CPSF6: variants seen among roughly 807,000 people sequenced by gnomAD.
The protein encoded by CPSF6 is cleavage and polyadenylation specific factor 6.
In CPSF6, 10 loss-of-function variants were observed where a neutral mutation model predicts 56.7. The observed-to-expected ratio is 0.18, with a 90% CI of 0.11 to 0.30. The LOEUF (loss-of-function observed/expected upper bound fraction) is 0.30, where lower values mean the gene tolerates loss of function less well. CPSF6 is among the 10% of genes least tolerant of loss of function. The pLI, the probability that CPSF6 is intolerant of heterozygous loss-of-function variation, is 1.00. For synonymous variants in CPSF6, 248 were observed against 244.8 expected (o/e 1.01, Z -0.12); for missense variants, 419 against 722.9 (o/e 0.58, Z 4.82).
At chr12:69,259,578 A>G (rs1381674629) in intron 7 of CPSF6, 35 bp downstream of exon 7, 3 of 1,562,762 alleles carry the variant, frequency 1.9e-6, no homozygotes, top group Non-Finnish European at 1.7e-6. Context: ...TTTCTTATTT[A>G]TGTTATTAGG....
intron 1 of CPSF6, among the ~76,000 whole-genome samples, chr12:69,245,096 TA>T (rs11317829): frequency 0.18 from 24,397 of 137,920 alleles, 2,170 homozygotes; most frequent in African/African-American, 0.22. Flanking sequence ...CGTCTCTATT[TA>T]AAAAAAAAAA....
chr12:69,263,078 T>C (rs1296912713), intron 9 of CPSF6, among the ~76,000 whole-genome samples: 3 of 111,788 alleles, frequency 2.7e-5, no homozygotes, highest in African/African-American at 1.2e-4. Flanking sequence ...TCAAAGAGAA[T>C]TTTCCTTTAA....
chr12:69,249,168 G>GGGGGGGGGGGGGGC lies in CPSF6; in HGVS notation c.61-1960_61-1959insGGGGGGGGGGGGCG, dbSNP rs1565644117. Among the ~76,000 whole-genome samples the GGGGGGGGGGGGGGC allele has an allele frequency of 8.8e-5, 3 of 33,910 alleles. 1 individual carries two copies. The highest frequency in any genetic ancestry group is 2.8e-4 in the Admixed American group (1 of 3,598). 22.2% of individuals were successfully genotyped at this position (33,910 alleles called of 152,430 possible). ...CCAGCTACTCGGGGGGGGGGGGGGG[G>GGGGGGGGGGGGGGC]GCTGAGGCAGGAGAATGGCGTGAAC... is the stretch of plus-strand genomic sequence containing the variant. On this transcript the variant is annotated intron_variant, in intron 1 of 9. Coordinates refer to ENST00000435070, the MANE Select transcript of CPSF6 (RefSeq NM_007007.3).
At chr12:69,255,825 C>G (rs1039769594) in intron 3 of CPSF6, among the ~76,000 whole-genome samples, 2 of 152,238 alleles carry the variant, frequency 1.3e-5, no homozygotes, top group Non-Finnish European at 2.9e-5. Context: ...GCGTGAGCCA[C>G]TGCACCCGGC....
chr12:69,264,790 A>G (rs562564716), intron 9 of CPSF6, among the ~76,000 whole-genome samples: 10 of 152,122 alleles, frequency 6.6e-5, no homozygotes, highest in Non-Finnish European at 5.9e-5. Flanking sequence ...TATTCAAGTA[A>G]ATCTTTAAAA....
At chr12:69,263,822 A>G (rs1464959135) in intron 9 of CPSF6, among the ~76,000 whole-genome samples, 2 of 152,054 alleles carry the variant, frequency 1.3e-5, no homozygotes, top group African/African-American at 4.8e-5. Flanking sequence ...ACTATTTACA[A>G]TTTTAAGGGC....
intron 9 of CPSF6, among the ~76,000 whole-genome samples, chr12:69,267,276 T>TTA (rs1445157356): frequency 6.6e-6 from 1 of 151,924 alleles, no homozygotes; most frequent in Non-Finnish European, 1.5e-5. Flanking sequence ...ACAGAAACAG[T>TTA]TATAATTTGA....
At chr12:69,247,207 A>G (rs576984298) in intron 1 of CPSF6, among the ~76,000 whole-genome samples, 21 of 152,302 alleles carry the variant, frequency 1.4e-4, no homozygotes, top group African/African-American at 3.1e-4. Flanking sequence ...TAAGGGAACT[A>G]ATAGGATTTT....
chr12:69,252,103 A>G (rs1317558584), intron 2 of CPSF6: 1 of 455,164 alleles, frequency 2.2e-6, no homozygotes, highest in Admixed American at 2.3e-5. Flanking sequence ...CAGAATTTGC[A>G]AAACTCTGTC....
chr12:69,263,866 C>T (rs961577845), intron 9 of CPSF6, among the ~76,000 whole-genome samples: 4 of 151,934 alleles, frequency 2.6e-5, no homozygotes, highest in Non-Finnish European at 4.4e-5. Context: ...TGATACTTTG[C>T]ATTTTGAATA....
chr12:69,256,694 T>C lies in CPSF6; in HGVS notation c.375-3T>C. 6.2e-7 allele frequency: 1 copy of C among 1,608,170 alleles called. No homozygotes were observed. Among genetic ancestry groups the C allele is most frequent in the East Asian group, 2.2e-5 (1 of 44,834 alleles). ...GTATCCTCACCCCTTAAACACTTTT[T>C]AGGTTTGCCCTTGTTGGTGTTGGAT... On this transcript the variant is annotated splice_polypyrimidine_tract_variant and splice_region_variant and intron_variant, in intron 3 of 9. Transcript: ENST00000435070.
At chr12:69,257,550 C>A in intron 4 of CPSF6, among the ~76,000 whole-genome samples, 182 bp from the exon 5 acceptor site, 1 of 152,128 alleles carries the variant, frequency 6.6e-6, no homozygotes, top group East Asian at 1.9e-4. Context: ...TATTTTGAGT[C>A]TTTAAAAGTA....
intron 7 of CPSF6, 117 bp from the exon 8 acceptor site, chr12:69,259,927 A>G: frequency 9.9e-7 from 1 of 1,014,310 alleles, no homozygotes; most frequent in South Asian, 1.5e-5. Context: ...TGTCTTGCAT[A>G]GTTATTTTAT....
In CPSF6 at chr12:69,271,960, T is replaced by C. The variant is rs568225919; in HGVS notation, c.*2452T>C. The C allele has an allele frequency of 2.6e-5, 4 of 151,720 alleles. No homozygotes were observed. Among genetic ancestry groups the C allele is most frequent in the African/African-American group, 4.8e-5 (2 of 41,498 alleles). The allele number at this position is 151,720 out of a possible 1,614,324, so 9.4% of individuals were successfully genotyped here. On this transcript the variant is annotated 3_prime_UTR_variant, in exon 10 of 10. Coordinates refer to ENST00000435070, the MANE Select transcript of CPSF6 (RefSeq NM_007007.3). ...TGTAGTGGATGTGAAAACAAACGAGTTGAATTTTAAAACATAGCATTTATT... is the reference window on the plus strand; with the variant it reads ...TGTAGTGGATGTGAAAACAAACGAGCTGAATTTTAAAACATAGCATTTATT...
intron 1 of CPSF6, among the ~76,000 whole-genome samples, chr12:69,249,347 A>G (rs181127314): frequency 1.3e-5 from 2 of 152,094 alleles, no homozygotes; most frequent in Non-Finnish European, 2.9e-5. Flanking sequence ...TCTCCTTTAA[A>G]TAGCAAAACA....
chr12:69,266,070 T>A (rs1327870417), intron 9 of CPSF6, among the ~76,000 whole-genome samples: 2 of 151,592 alleles, frequency 1.3e-5, no homozygotes, highest in Non-Finnish European at 2.9e-5. Context: ...AATTCTTACA[T>A]GTTAAAGATG....
intron 2 of CPSF6, chr12:69,252,064 TA>T: frequency 2.2e-6 from 1 of 455,982 alleles, no homozygotes; most frequent in African/African-American, 2.0e-5. Flanking sequence ...TTAAACGTTT[TA>T]TTTACATTTC....
At chr12:69,261,199 T>G (rs1024306937) in intron 8 of CPSF6, among the ~76,000 whole-genome samples, 46 of 152,222 alleles carry the variant, frequency 3.0e-4, no homozygotes, top group African/African-American at 1.1e-3. Flanking sequence ...AGTTTTGTAA[T>G]TATTACCTTT....
chr12:69,259,681 TA>T, intron 7 of CPSF6, 138 bp downstream of exon 7: 1 of 823,014 alleles, frequency 1.2e-6, no homozygotes, highest in Non-Finnish European at 1.8e-6. Context: ...ACGATTTATT[TA>T]AAAAGCATTG....
Sources: allele counts gnomAD v4.1 joint callset (sites outside exome capture counted in the v4.1 genomes callset), GRCh38; gene constraint gnomAD v4.1.1; transcripts MANE v1.5; gene names NCBI Gene and HGNC (gene_info 2026-07-23, HGNC 2026-07-21).